The following NDUFB2 variants were observed in gnomAD, a reference collection of about 807,000 sequenced individuals.
The protein encoded by NDUFB2 is NADH dehydrogenase [ubiquinone] 1 beta subcomplex subunit 2, mitochondrial.
NDUFB2 carries 13 observed loss-of-function variants against 13.4 expected under a neutral mutation model. The ratio of observed to expected loss-of-function variants is 0.97; its 90% confidence interval spans 0.63 to 1.54. The LOEUF (loss-of-function observed/expected upper bound fraction) is 1.54. Ranked by LOEUF, NDUFB2 falls within the 40% of genes most tolerant of loss-of-function variation. The pLI, the probability that NDUFB2 is intolerant of heterozygous loss-of-function variation, is 0.00. For synonymous variants in NDUFB2, 47 were observed against 50.6 expected (o/e 0.93, Z 0.30); for missense variants, 150 against 139.7 (o/e 1.07, Z -0.37).
intron 1 of NDUFB2, chr7:140,700,066 A>C (rs1172988454): frequency 6.6e-6 from 1 of 151,842 alleles, no homozygotes. Flanking sequence ...GCAATAACGA[A>C]GCGTGGGGAG....
At chr7:140,705,960 C>A (rs951440276) in intron 3 of NDUFB2, among the ~76,000 whole-genome samples, 4 of 151,836 alleles carry the variant, frequency 2.6e-5, no homozygotes, top group African/African-American at 9.7e-5. Context: ...CTCATAAACC[C>A]CTAGGGGTTA....
At position 140,696,839 on chromosome 7, in the gene NDUFB2, G is replaced by T. The variant is rs988029350; in HGVS notation, c.95G>T (p.Arg32Leu). The T allele has an allele frequency of 3.1e-6, 5 of 1,603,236 alleles. No individual in the cohort carries two copies. Among genetic ancestry groups the T allele is most frequent in the African/African-American group, 1.3e-5 (1 of 74,790 alleles). Residue 32 changes from arginine to leucine, a missense_variant, in exon 1 of 4, where the codon CGT (arginine) becomes CTT (leucine). By Grantham distance (102) the Arg-to-Leu change is moderately radical. Coordinates refer to ENST00000247866, the MANE Select transcript of NDUFB2 (RefSeq NM_004546.3). ...CARTAGDGGV[R>L]HAGGGVHIEP... ...CGGACTGCTGGAGATGGTGGAGTCC[G>T]TCAGTGAGTGTGGGGCTGGGGATGG...
chr7:140,698,105 C>T (rs755882661), intron 1 of NDUFB2: 2 of 1,349,772 alleles, frequency 1.5e-6, no homozygotes, highest in Non-Finnish European at 2.0e-6. Context: ...AAAGGAGTGA[C>T]TTGCCTGAAG....
In NDUFB2 at chr7:140,704,848, G is replaced by C. The variant is rs748992767; in HGVS notation, c.244-12G>C. ...TTCTTGACTTTTCTTTCTTTTAAAT[G>C]GTTGTCACCAGGGTCACTTTCCGTA... On this transcript the variant is annotated splice_polypyrimidine_tract_variant and intron_variant, in intron 2 of 3. Coordinates refer to ENST00000247866, the MANE Select transcript of NDUFB2 (RefSeq NM_004546.3). The C allele has an allele frequency of 2.6e-6, 4 of 1,540,594 alleles. No homozygotes were observed. Among genetic ancestry groups the C allele is most frequent in the Admixed American group, 2.1e-5 (1 of 48,562 alleles).
chr7:140,704,502 A>G (rs1348185669), intron 2 of NDUFB2, among the ~76,000 whole-genome samples: 1 of 152,196 alleles, frequency 6.6e-6, no homozygotes, highest in Non-Finnish European at 1.5e-5. Flanking sequence ...TCCATTTCAC[A>G]GCAGTAATGT....
intron 1 of NDUFB2, among the ~76,000 whole-genome samples, chr7:140,699,903 G>A (rs1794872921): frequency 6.7e-6 from 1 of 150,178 alleles, no homozygotes; most frequent in South Asian, 2.1e-4. Flanking sequence ...ACATAACATT[G>A]TGAATTAGGT....
intron 2 of NDUFB2, among the ~76,000 whole-genome samples, chr7:140,703,432 G>T (rs563912536): frequency 1.3e-5 from 2 of 151,642 alleles, no homozygotes. Context: ...GCACCCCCAC[G>T]CCGGCTAATT....
chr7:140,703,622 A>G (rs1185188725), intron 2 of NDUFB2, among the ~76,000 whole-genome samples: 2 of 151,964 alleles, frequency 1.3e-5, no homozygotes, highest in Admixed American at 6.6e-5. Context: ...TTGGTAGGTT[A>G]GGTTTCACAC....
chr7:140,697,315 C>T lies in NDUFB2; in HGVS notation c.98+473C>T, dbSNP rs187037519. ...CGGCAGCCTTTAATCGGAGACGTCA[C>T]GTGGCCGCTTTTTAATGCTGAAAAA... On this transcript the variant is annotated intron_variant, in intron 1 of 3. Coordinates refer to ENST00000247866, the MANE Select transcript of NDUFB2 (RefSeq NM_004546.3). 529 of 702,864 alleles carry T rather than the reference C, an allele frequency of 7.5e-4. 3 individuals carry two copies. In the African/African-American group the frequency reaches 8.0e-3, roughly 11 times the overall value. The allele number at this position is 702,864 out of a possible 1,614,324, so 43.5% of individuals were successfully genotyped here.
chr7:140,704,594 A>G (rs776604353), intron 2 of NDUFB2, among the ~76,000 whole-genome samples: 34 of 151,694 alleles, frequency 2.2e-4, no homozygotes, highest in Non-Finnish European at 1.3e-4. Context: ...ACTTCCCCCT[A>G]CCCTCCCTCT....
intron 1 of NDUFB2, chr7:140,702,155 A>T: frequency 6.2e-6 from 4 of 647,070 alleles, no homozygotes; most frequent in Non-Finnish European, 8.4e-6. Context: ...TCTCTTAAAA[A>T]TTTTTTATCC....
intron 1 of NDUFB2, chr7:140,702,111 A>G: frequency 1.5e-6 from 1 of 680,938 alleles, no homozygotes. Flanking sequence ...ATTCTTATCT[A>G]GATGAAATTG....
At position 140,697,505 on chromosome 7, in the gene NDUFB2, TGGGGGTGC is replaced by T. The variant is rs1794831012; in HGVS notation, c.98+665_98+672del. The T allele has an allele frequency of 1.8e-5, 12 of 679,632 alleles. No individual in the cohort carries two copies. The African/African-American group carries it at 2.0e-4, about 11-fold the overall frequency. The allele number at this position is 679,632 out of a possible 1,614,324, so 42.1% of individuals were successfully genotyped here. On this transcript the variant is annotated intron_variant, in intron 1 of 3. Transcript: ENST00000247866. ...AGACGCAGACCGGAGGGCGGAGGGC[TGGGGGTGC>T]GAGGTAGGGAGCGGGTGCGAGGTAG...
At chr7:140,696,933 A>C in intron 1 of NDUFB2, 91 bp downstream of exon 1, 1 of 1,224,754 alleles carries the variant, frequency 8.2e-7, no homozygotes, top group South Asian at 1.3e-5. Context: ...GGGCGCCTGA[A>C]GAGGCCGCGT....
chr7:140,697,493 A>G lies in NDUFB2; in HGVS notation c.98+651A>G. The G allele has an allele frequency of 5.8e-6, 4 of 687,656 alleles. No individual in the cohort carries two copies. In the South Asian group the frequency reaches 6.0e-5, roughly 10 times the overall value. 42.6% of individuals were successfully genotyped at this position (687,656 alleles called of 1,614,324 possible). Reference sequence around the variant, plus strand: ...CGAGGTGGCCCGAGACGCAGACCGGAGGGCGGAGGGCTGGGGGTGCGAGGT... The same window carrying G: ...CGAGGTGGCCCGAGACGCAGACCGGGGGGCGGAGGGCTGGGGGTGCGAGGT... On this transcript the variant is annotated intron_variant, in intron 1 of 3. Transcript: ENST00000247866.
chr7:140,703,330 A>AC (rs1794922738), intron 2 of NDUFB2, among the ~76,000 whole-genome samples: 1 of 143,130 alleles, frequency 7.0e-6, no homozygotes, highest in Non-Finnish European at 1.5e-5. Flanking sequence ...GCAGGAGTGC[A>AC]GTGGCACAAT....
chr7:140,701,550 C>A (rs945915795), intron 1 of NDUFB2, among the ~76,000 whole-genome samples: 1 of 152,004 alleles, frequency 6.6e-6, no homozygotes, highest in South Asian at 2.1e-4. Flanking sequence ...ATTGCTTGAG[C>A]CCAGGAGGTG....
intron 2 of NDUFB2, among the ~76,000 whole-genome samples, chr7:140,704,338 C>A (rs565339595): frequency 2.6e-4 from 40 of 152,194 alleles, no homozygotes; most frequent in African/African-American, 9.6e-4. Flanking sequence ...GTGAACTGTC[C>A]ACACATTTAC....
rs896563937 is a variant in NDUFB2 at position 140,697,513 on chromosome 7, CGAGGTAGGGAGCGG to C, written c.98+673_98+686del. On this transcript the variant is annotated intron_variant, in intron 1 of 3. Transcript: ENST00000247866. ...ACCGGAGGGCGGAGGGCTGGGGGTG[CGAGGTAGGGAGCGG>C]GTGCGAGGTAGGGAGCAGCTGCCGA... 180 of 439,436 alleles carry C rather than the reference CGAGGTAGGGAGCGG, an allele frequency of 4.1e-4. 1 individual carries two copies. In the African/African-American group the frequency reaches 0.022, roughly 53 times the overall value. The allele number at this position is 439,436 out of a possible 1,614,324, so 27.2% of individuals were successfully genotyped here. A position where few individuals can be genotyped will look rare whatever the true frequency, so the allele number is the denominator to read the frequency against.
Sources: allele counts gnomAD v4.1 joint callset (sites outside exome capture counted in the v4.1 genomes callset), GRCh38; gene constraint gnomAD v4.1.1; transcripts MANE v1.5; gene names NCBI Gene and HGNC (gene_info 2026-07-23, HGNC 2026-07-21).